PPARA: variants seen among roughly 807,000 people sequenced by gnomAD.
PPARA encodes the protein peroxisome proliferator activated receptor alpha.
Under a neutral mutation model 42.2 loss-of-function variants are expected in PPARA, and 22 were observed. The observed-to-expected ratio is 0.52, with a 90% CI of 0.37 to 0.74. The LOEUF (loss-of-function observed/expected upper bound fraction) is 0.74, where lower values mean the gene tolerates loss of function less well. Among genes scored for constraint, PPARA ranks in the 30% least tolerant of loss-of-function variants. The pLI is 0.00. For synonymous variants in PPARA, 242 were observed against 239.3 expected, an observed-to-expected ratio of 1.01 and a Z score of -0.10; for missense variants, 465 against 608.2, an observed-to-expected ratio of 0.76 and a Z score of 2.48.
rs534029440 is a variant in PPARA at position 46,236,446 on chromosome 22, C to G, written c.*1066C>G. 6.6e-6 allele frequency: 1 copy of G among 152,598 alleles called. No individual in the cohort carries two copies. Among genetic ancestry groups the G allele is most frequent in the African/African-American group, 2.4e-5 (1 of 41,412 alleles). The allele number at this position is 152,598 out of a possible 1,614,324, so 9.5% of individuals were successfully genotyped here. A position where few individuals can be genotyped will look rare whatever the true frequency, so the allele number is the denominator to read the frequency against. On this transcript the variant is annotated 3_prime_UTR_variant, in exon 9 of 9. Coordinates refer to ENST00000407236, the MANE Select transcript of PPARA (RefSeq NM_005036.6). The surrounding 1 kb of genome is among the most constrained non-coding windows in gnomAD (Gnocchi z 5.2). ...AAGCTAGCACCCGTGGTAAGCGGGA[C>G]GAGACAAGCTCCCGAAGCCCGCCAG...
intron 2 of PPARA, among the ~76,000 whole-genome samples, chr22:46,152,863 T>C (rs981180202): frequency 3.3e-5 from 5 of 152,108 alleles, no homozygotes; most frequent in Non-Finnish European, 7.4e-5. Flanking sequence ...GGTGGGCAGA[T>C]CGCTTGAGGC....
chr22:46,177,044 A>AC (rs1361506744), intron 3 of PPARA, among the ~76,000 whole-genome samples: 1 of 152,092 alleles, frequency 6.6e-6, no homozygotes, highest in Non-Finnish European at 1.5e-5. Flanking sequence ...CCCTGTCTCT[A>AC]CTACAAATAC....
In PPARA at chr22:46,200,825, A is replaced by T. The variant is rs1323574463; in HGVS notation, c.208+2234A>T. Among the ~76,000 whole-genome samples the T allele has an allele frequency of 6.6e-6, 1 of 152,116 alleles. No individual in the cohort carries two copies. Among genetic ancestry groups the T allele is most frequent in the Admixed American group, 6.6e-5 (1 of 15,260 alleles). ...CCCAGCTACTCTACTCAGGAGGCTG[A>T]GGCAGGGAGAATTGCTTGAACCCAG... is the stretch of plus-strand genomic sequence containing the variant. On this transcript the variant is annotated intron_variant, in intron 4 of 8. Transcript: ENST00000407236. The surrounding 1 kb of genome is among the most constrained non-coding windows in gnomAD (Gnocchi z 4.8).
chr22:46,218,506 C>T, intron 6 of PPARA, 105 bp downstream of exon 6: 1 of 1,547,774 alleles, frequency 6.5e-7, no homozygotes. Flanking sequence ...CAACATTTCA[C>T]ACCCAAGTCA....
At chr22:46,159,758 G>C (rs1472801478) in intron 2 of PPARA, among the ~76,000 whole-genome samples, 1 of 152,190 alleles carries the variant, frequency 6.6e-6, no homozygotes, top group African/African-American at 2.4e-5. Flanking sequence ...TGGGAAGAAG[G>C]CTTTGGAAAA....
rs559266894 is a variant in PPARA, at chr22:46,182,997, G to A, written c.-43+6161G>A. On this transcript the variant is annotated intron_variant, in intron 3 of 8. Coordinates refer to ENST00000407236, the MANE Select transcript of PPARA (RefSeq NM_005036.6). This position sits in a 1 kb window ranked among gnomAD's most constrained non-coding sequence, Gnocchi z 5.2. Reference sequence around the variant, plus strand: ...TGACCTCAGGTGATCCACCCACCTCGGCCTCCCAAAGTGTTGGGATTATAG... The same window carrying A: ...TGACCTCAGGTGATCCACCCACCTCAGCCTCCCAAAGTGTTGGGATTATAG... Among the ~76,000 whole-genome samples, 24 of 152,192 alleles carry A rather than the reference G, an allele frequency of 1.6e-4. 1 individual carries two copies. In the South Asian group the frequency reaches 2.5e-3, roughly 16 times the overall value.
chr22:46,215,694 A>G (rs2147551810), intron 5 of PPARA, among the ~76,000 whole-genome samples: 1 of 152,130 alleles, frequency 6.6e-6, no homozygotes, highest in Admixed American at 6.6e-5. Flanking sequence ...GTGAGCCAAG[A>G]TTGCGCCACT....
rs1161172581 is a variant in PPARA, at chr22:46,224,520, C to T, written c.711+4506C>T. ...TGATCTCTGCCCAGTGGCCCACATG[C>T]GGTCGCCGTTTCATCAGTTTCCAGC... On this transcript the variant is annotated intron_variant, in intron 7 of 8. Coordinates refer to ENST00000407236, the MANE Select transcript of PPARA (RefSeq NM_005036.6). The surrounding 1 kb of genome is among the most constrained non-coding windows in gnomAD (Gnocchi z 5.7). Among the ~76,000 whole-genome samples the T allele has an allele frequency of 4.6e-5, 7 of 152,326 alleles. No individual in the cohort carries two copies. Among genetic ancestry groups the T allele is most frequent in the East Asian group, 3.9e-4 (2 of 5,186 alleles).
chr22:46,168,391 A>G (rs1488058698), intron 2 of PPARA, among the ~76,000 whole-genome samples: 1 of 149,706 alleles, frequency 6.7e-6, no homozygotes, highest in Non-Finnish European at 1.5e-5. Context: ...AGAAAGCATA[A>G]ACTATAAAAG....
chr22:46,163,593 C>T lies in PPARA; in HGVS notation c.-127+11623C>T, dbSNP rs1042415523. 1.3e-5 allele frequency: 2 copies of T among 152,264 alleles called. No individual in the cohort carries two copies. Among genetic ancestry groups the T allele is most frequent in the Admixed American group, 6.5e-5 (1 of 15,280 alleles). 9.4% of individuals were successfully genotyped at this position (152,264 alleles called of 1,614,324 possible). On this transcript the variant is annotated intron_variant, in intron 2 of 8. Coordinates refer to ENST00000407236, the MANE Select transcript of PPARA (RefSeq NM_005036.6). This position sits in a 1 kb window ranked among gnomAD's most constrained non-coding sequence, Gnocchi z 4.9. ...AATGAGAGGTAGATGATTCCCTAGA[C>T]AAATGCAGGCCTTTCTCGAAGCCCC...
Position 46,187,112 on chromosome 22 carries a change from T to C in PPARA, c.-43+10276T>C, listed in dbSNP as rs1196671185. Among the ~76,000 whole-genome samples, 2 of 152,194 alleles carry C rather than the reference T, an allele frequency of 1.3e-5. No individual in the cohort carries two copies. Among genetic ancestry groups the C allele is most frequent in the Non-Finnish European group, 2.9e-5 (2 of 68,036 alleles). ...GTCATAGCACTGCCTTCCCCTGAGG[T>C]TGGCCTTGCAGCCTCTCTAGGCACT... On this transcript the variant is annotated intron_variant, in intron 3 of 8. Coordinates refer to ENST00000407236, the MANE Select transcript of PPARA (RefSeq NM_005036.6). This position sits in a 1 kb window ranked among gnomAD's most constrained non-coding sequence, Gnocchi z 4.9.
rs575605109 is a variant in PPARA, at chr22:46,191,287, C to A, written c.-42-7055C>A. ...CAAGGGTGCACACGTGGGTGAGACA[C>A]GGCAGCTGCTCTCCAGAAGCCCACA... On this transcript the variant is annotated intron_variant, in intron 3 of 8. Transcript: ENST00000407236. The surrounding 1 kb of genome is among the most constrained non-coding windows in gnomAD (Gnocchi z 4.6). Among the ~76,000 whole-genome samples, 1 of 152,166 alleles carries A rather than the reference C, an allele frequency of 6.6e-6. No homozygotes were observed.
rs1004476858 is a variant in PPARA at position 46,240,424 on chromosome 22, G to A, written c.*5044G>A. ...GTGAGTGCAAGGATAGGTGACCCAGGGGCCTGCAGCCTTGTCCTCAGCTCC... is the reference window on the plus strand; with the variant it reads ...GTGAGTGCAAGGATAGGTGACCCAGAGGCCTGCAGCCTTGTCCTCAGCTCC... On this transcript the variant is annotated 3_prime_UTR_variant, in exon 9 of 9. Coordinates refer to ENST00000407236, the MANE Select transcript of PPARA (RefSeq NM_005036.6). This position sits in a 1 kb window ranked among gnomAD's most constrained non-coding sequence, Gnocchi z 6.0. 2.5e-5 allele frequency: 10 copies of A among 395,416 alleles called. No individual in the cohort carries two copies. Among genetic ancestry groups the A allele is most frequent in the Admixed American group, 8.8e-5 (2 of 22,664 alleles). The allele number at this position is 395,416 out of a possible 1,614,324, so 24.5% of individuals were successfully genotyped here.
At chr22:46,152,017 T>C (rs1024205878) in intron 2 of PPARA, 47 bp downstream of exon 2, 2 of 152,214 alleles carry the variant, frequency 1.3e-5, no homozygotes, top group African/African-American at 4.8e-5. Context: ...AATATTTAAG[T>C]GTTTTCAGTG....
intron 7 of PPARA, among the ~76,000 whole-genome samples, chr22:46,229,107 A>G (rs1445492829): frequency 1.3e-5 from 1 of 76,742 alleles, no homozygotes; most frequent in Non-Finnish European, 2.3e-5. Context: ...ACTCCATCTC[A>G]AAAAAAAAAA....
chr22:46,218,993 C>A (rs6008161), intron 6 of PPARA, among the ~76,000 whole-genome samples: 2,377 of 151,834 alleles, frequency 0.016, 62 homozygotes, highest in African/African-American at 0.054. Context: ...AAAACCCCGT[C>A]TCTAATAAAA....
Position 46,231,967 on chromosome 22 carries a change from G to T in PPARA, c.887G>T (p.Gly296Val). The change falls in exon 8 of 9, where the codon GGC (glycine) becomes GTC (valine). Residue 296 changes from glycine (G) to valine (V), a missense_variant. Gly to Val is a moderately radical substitution (Grantham distance 109). This residue lies in a region of PPARA where 313 missense variants were observed against 469.1 expected (regional missense o/e 0.67). Coordinates refer to ENST00000407236, the MANE Select transcript of PPARA (RefSeq NM_005036.6). The surrounding 1 kb of genome is among the most constrained non-coding windows in gnomAD (Gnocchi z 7.7). ...ELTEFAKAIPGFANLDLNDQV... is the reference protein window; with the variant it reads ...ELTEFAKAIPVFANLDLNDQV... The stretch of plus-strand genomic sequence containing the variant: ...ACGGAATTCGCCAAGGCCATCCCAG[G>T]CTTCGCAAACTTGGACCTGAACGAT... 1 of 1,614,224 alleles carries T rather than the reference G, an allele frequency of 6.2e-7. No homozygotes were observed.
In PPARA at chr22:46,173,801, C is replaced by G. The variant is rs1928461553; in HGVS notation, c.-126-2952C>G. On this transcript the variant is annotated intron_variant, in intron 2 of 8. Coordinates refer to ENST00000407236, the MANE Select transcript of PPARA (RefSeq NM_005036.6). The surrounding 1 kb of genome is among the most constrained non-coding windows in gnomAD (Gnocchi z 4.3). ...TTCTGTGGTGTGTAGGAGCACACTGCCATTCTTAGCAAACGTGTAGTTTAG... is the reference window on the plus strand; with the variant it reads ...TTCTGTGGTGTGTAGGAGCACACTGGCATTCTTAGCAAACGTGTAGTTTAG... Among the ~76,000 whole-genome samples the G allele has an allele frequency of 6.6e-6, 1 of 152,092 alleles. No homozygotes were observed. The highest frequency in any genetic ancestry group is 1.5e-5 in the Non-Finnish European group (1 of 68,012).
chr22:46,220,023 T>C lies in PPARA; in HGVS notation c.711+9T>C. The C allele has an allele frequency of 1.2e-6, 2 of 1,613,718 alleles. No individual in the cohort carries two copies. Among genetic ancestry groups the C allele is most frequent in the Non-Finnish European group, 1.7e-6 (2 of 1,179,996 alleles). On this transcript the variant is annotated intron_variant, in intron 7 of 8. Transcript: ENST00000407236. ...AGGCCAGTAACAATCCAGTAGGTGTTTGCGGCTGTTCTGGGTTCTCTTGGC... is the reference window on the plus strand; with the variant it reads ...AGGCCAGTAACAATCCAGTAGGTGTCTGCGGCTGTTCTGGGTTCTCTTGGC...
Sources: allele counts gnomAD v4.1 joint callset (sites outside exome capture counted in the v4.1 genomes callset), GRCh38; gene constraint gnomAD v4.1.1; regional missense constraint gnomAD v4.1.1; non-coding constraint Gnocchi (gnomAD v3.1); transcripts MANE v1.5; gene names NCBI Gene and HGNC (gene_info 2026-07-23, HGNC 2026-07-21).